The following PDS5B variants were observed in gnomAD, a reference collection of about 807,000 sequenced individuals.
The protein encoded by PDS5B is PDS5 cohesin associated factor B.
In PDS5B, 51 loss-of-function variants were observed where a neutral mutation model predicts 184.1. That is an observed-to-expected ratio of 0.28 (90% CI 0.22 to 0.35). The LOEUF (loss-of-function observed/expected upper bound fraction) is 0.35. PDS5B is among the 10% of genes least tolerant of loss of function. PDS5B has a pLI of 1.00. For missense variants in PDS5B, 1,180 were observed against 1,723.3 expected, an observed-to-expected ratio of 0.68 and a Z score of 5.58; for synonymous variants, 566 against 569.2, an observed-to-expected ratio of 0.99 and a Z score of 0.08.
intron 19 of PDS5B, among the ~76,000 whole-genome samples, chr13:32,721,457 G>A (rs1394345574): frequency 1.3e-5 from 2 of 151,466 alleles, no homozygotes. Flanking sequence ...TGGGGCGGCC[G>A]GGCAGAGGTG....
At chr13:32,590,274 T>C (rs1593223434) in intron 1 of PDS5B, among the ~76,000 whole-genome samples, 1 of 152,326 alleles carries the variant, frequency 6.6e-6, no homozygotes, top group East Asian at 1.9e-4. Context: ...CCATTCTCTT[T>C]TTTGACGGAT....
At chr13:32,658,400 G>A (rs1950569956) in intron 4 of PDS5B, 34 bp from the exon 5 acceptor site, 1 of 1,438,642 alleles carries the variant, frequency 7.0e-7, no homozygotes, top group East Asian at 2.3e-5. Flanking sequence ...TAATCAAAAT[G>A]CTTAACTTTC....
intron 3 of PDS5B, among the ~76,000 whole-genome samples, chr13:32,653,248 C>T (rs982596635): frequency 3.3e-5 from 5 of 151,670 alleles, no homozygotes; most frequent in East Asian, 1.9e-4. Context: ...GAGATTGCGC[C>T]GCTGCACTCC....
intron 16 of PDS5B, among the ~76,000 whole-genome samples, chr13:32,700,430 A>G (rs964458839): frequency 1.9e-4 from 29 of 152,292 alleles, no homozygotes; most frequent in African/African-American, 7.0e-4. Context: ...CATTGCTGGA[A>G]ACAAAACCCA....
At chr13:32,621,979 G>A (rs2058308450) in intron 1 of PDS5B, among the ~76,000 whole-genome samples, 1 of 151,880 alleles carries the variant, frequency 6.6e-6, no homozygotes, top group African/African-American at 2.4e-5. Flanking sequence ...TTTAATCTCT[G>A]TATTTAACAT....
At chr13:32,647,594 C>T (rs1012107911) in intron 1 of PDS5B, among the ~76,000 whole-genome samples, 2 of 152,014 alleles carry the variant, frequency 1.3e-5, no homozygotes, top group African/African-American at 4.8e-5. Context: ...AATGGTTTTT[C>T]GTATCTGCGA....
intron 1 of PDS5B, among the ~76,000 whole-genome samples, chr13:32,618,052 A>T: frequency 6.6e-6 from 1 of 152,276 alleles, no homozygotes; most frequent in Admixed American, 6.5e-5. Flanking sequence ...GGTGGAAGGA[A>T]GGCGGAAGGG....
At chr13:32,597,602 G>A (rs558793476) in intron 1 of PDS5B, among the ~76,000 whole-genome samples, 63 of 151,988 alleles carry the variant, frequency 4.1e-4, no homozygotes, top group African/African-American at 1.4e-3. Context: ...GAGGCCGAGG[G>A]GGGGGCGGCA....
intron 1 of PDS5B, among the ~76,000 whole-genome samples, chr13:32,589,482 G>C (rs1247729945): frequency 6.6e-6 from 1 of 152,036 alleles, no homozygotes; most frequent in East Asian, 1.9e-4. Flanking sequence ...GCCTCTTGTA[G>C]GTCTCTGTCT....
intron 1 of PDS5B, among the ~76,000 whole-genome samples, chr13:32,643,797 G>T (rs1482336205): frequency 2.6e-5 from 4 of 152,082 alleles, no homozygotes. Flanking sequence ...ACTGTATGAT[G>T]TTTGCACAAC....
At chr13:32,595,587 A>G (rs987127501) in intron 1 of PDS5B, among the ~76,000 whole-genome samples, 1 of 152,240 alleles carries the variant, frequency 6.6e-6, no homozygotes, top group Middle Eastern at 3.2e-3. Flanking sequence ...AGAAGGAGAA[A>G]GAACCACCAT....
intron 1 of PDS5B, among the ~76,000 whole-genome samples, chr13:32,597,363 G>A (rs1045339732): frequency 6.6e-6 from 1 of 151,814 alleles, no homozygotes; most frequent in African/African-American, 2.4e-5. Context: ...TTTTTCACAT[G>A]TTATTGCAGC....
At chr13:32,612,048 ATC>A (rs2058152058) in intron 1 of PDS5B, among the ~76,000 whole-genome samples, 1 of 148,298 alleles carries the variant, frequency 6.7e-6, no homozygotes, top group East Asian at 2.0e-4. Context: ...CAGACTGTGC[ATC>A]TTTTTTTTTT....
chr13:32,640,566 T>C (rs752087674), intron 1 of PDS5B, among the ~76,000 whole-genome samples: 2 of 151,950 alleles, frequency 1.3e-5, no homozygotes, highest in Non-Finnish European at 2.9e-5. Flanking sequence ...AATATTTTCT[T>C]ATGCTTACTG....
chr13:32,616,220 A>T (rs953795034), intron 1 of PDS5B, among the ~76,000 whole-genome samples: 3 of 151,740 alleles, frequency 2.0e-5, no homozygotes, highest in Non-Finnish European at 4.4e-5. Flanking sequence ...CACCCAGCTA[A>T]TTTTTTGTAT....
chr13:32,763,586 A>G (rs1782999743), intron 30 of PDS5B: 1 of 152,136 alleles, frequency 6.6e-6, no homozygotes, highest in Non-Finnish European at 1.5e-5. Flanking sequence ...AGATCAGATG[A>G]TCTTTCTAAT....
intron 10 of PDS5B, among the ~76,000 whole-genome samples, chr13:32,683,135 C>G (rs960691278): frequency 6.6e-6 from 1 of 151,962 alleles, no homozygotes; most frequent in African/African-American, 2.4e-5. Context: ...GCCTCAGCCT[C>G]GCGAGTAGCT....
Position 32,660,329 on chromosome 13 carries a change from CT to C in PDS5B, c.624+1050del, listed in dbSNP as rs60030514. Among the ~76,000 whole-genome samples, 535 of 152,326 alleles carry C rather than the reference CT, an allele frequency of 3.5e-3. 4 individuals are homozygous for C. Among genetic ancestry groups the C allele is most frequent in the Non-Finnish European group, 6.5e-3 (445 of 68,024 alleles). ...CCATTAATCCATTTTATTAAATGAG[CT>C]GTAAAAATCAGCCTGGGGCCCAGCT... On this transcript the variant is annotated intron_variant, in intron 6 of 34. Transcript: ENST00000315596.
intron 28 of PDS5B, among the ~76,000 whole-genome samples, chr13:32,759,274 C>CG (rs755830771): frequency 3.8e-4 from 58 of 152,134 alleles, no homozygotes; most frequent in Non-Finnish European, 7.5e-4. Context: ...AGATTTGGAA[C>CG]AGGCCTGTAG....
Sources: allele counts gnomAD v4.1 joint callset (sites outside exome capture counted in the v4.1 genomes callset), GRCh38; gene constraint gnomAD v4.1.1; transcripts MANE v1.5; gene names NCBI Gene and HGNC (gene_info 2026-07-23, HGNC 2026-07-21).